NALF1: variants seen among roughly 807,000 people sequenced by gnomAD.
NALF1 encodes the protein family with sequence similarity 155 member A.
A neutral mutation model predicts 48.4 loss-of-function variants in NALF1; 3 were observed. The observed-to-expected ratio is 0.06, with a 90% CI of 0.03 to 0.16. The LOEUF is 0.16. Ranked by LOEUF, NALF1 falls within the 10% of genes least tolerant of loss-of-function variation. The probability of loss-of-function intolerance (pLI) is 1.00; values close to 1 mark genes in which losing one functional copy is unlikely to be tolerated. For missense variants in NALF1, 526 were observed against 571.5 expected (o/e 0.92, Z 0.81); for synonymous variants, 262 against 245.7 (o/e 1.07, Z -0.62).
At chr13:107,278,208 T>C (rs189855485) in intron 1 of NALF1, among the ~76,000 whole-genome samples, 1 of 152,230 alleles carries the variant, frequency 6.6e-6, no homozygotes, top group African/African-American at 2.4e-5. Context: ...GATTGTTTTA[T>C]AGCTTTTCTA....
At chr13:107,382,773 A>G (rs1019383119) in intron 1 of NALF1, among the ~76,000 whole-genome samples, 2 of 152,182 alleles carry the variant, frequency 1.3e-5, no homozygotes, top group Non-Finnish European at 1.5e-5. Context: ...AATGGACACT[A>G]TGAGTGGTGT....
At chr13:107,444,519 A>G (rs1039365385) in intron 1 of NALF1, among the ~76,000 whole-genome samples, 7 of 152,180 alleles carry the variant, frequency 4.6e-5, no homozygotes, top group Non-Finnish European at 8.8e-5. Flanking sequence ...GAATAATGCA[A>G]AAAATCTGTT....
At chr13:107,220,650 A>G (rs1033221694) in intron 1 of NALF1, among the ~76,000 whole-genome samples, 1 of 152,060 alleles carries the variant, frequency 6.6e-6, no homozygotes, top group Non-Finnish European at 1.5e-5. Context: ...ATCATAAGAC[A>G]TTTTCCCTGG....
At chr13:107,266,527 T>G (rs186611401) in intron 1 of NALF1, among the ~76,000 whole-genome samples, 44 of 152,322 alleles carry the variant, frequency 2.9e-4, no homozygotes, top group Non-Finnish European at 5.1e-4. Context: ...CCCTCTTGTT[T>G]TTGGCCTTCA....
intron 1 of NALF1, among the ~76,000 whole-genome samples, chr13:107,428,851 T>A (rs1205182440): frequency 6.6e-6 from 1 of 152,174 alleles, no homozygotes; most frequent in Non-Finnish European, 1.5e-5. Flanking sequence ...CAATCCTCCA[T>A]CCTTTTACAC....
At chr13:107,579,125 T>G (rs899108137) in intron 1 of NALF1, among the ~76,000 whole-genome samples, 2 of 152,196 alleles carry the variant, frequency 1.3e-5, no homozygotes, top group African/African-American at 4.8e-5. Flanking sequence ...AGAGTCTCAC[T>G]TTGTTGCCCA....
At chr13:107,812,590 A>G (rs1261516926) in intron 1 of NALF1, among the ~76,000 whole-genome samples, 1 of 152,164 alleles carries the variant, frequency 6.6e-6, no homozygotes, top group Non-Finnish European at 1.5e-5. Flanking sequence ...TAACCCATAG[A>G]TTTATACAGA....
intron 1 of NALF1, among the ~76,000 whole-genome samples, chr13:107,299,643 AC>A (rs1265217944): frequency 6.6e-6 from 1 of 151,522 alleles, no homozygotes; most frequent in African/African-American, 2.4e-5. Context: ...TTTCTTCTAC[AC>A]ATATTAGTTG....
chr13:107,864,655 G>A (rs943263812), intron 1 of NALF1, among the ~76,000 whole-genome samples: 6 of 152,194 alleles, frequency 3.9e-5, no homozygotes, highest in Admixed American at 3.9e-4. Context: ...TAGAGATACT[G>A]TCATTACATC....
In NALF1 at chr13:107,168,472, A is replaced by AAT. The variant is rs1407042753; in HGVS notation, c.*2023_*2024dup. ...ATGTGTATGTATCTGTCCACATGTG[A>AAT]ATGTATTTGCATTTGCAGAAAAAAA... On this transcript the variant is annotated 3_prime_UTR_variant, in exon 3 of 3. Transcript: ENST00000375915. 6.6e-6 allele frequency: 1 copy of AAT among 152,444 alleles called. No individual in the cohort carries two copies. The highest frequency in any genetic ancestry group is 1.5e-5 in the Non-Finnish European group (1 of 68,042). The allele number at this position is 152,444 out of a possible 1,614,324, so 9.4% of individuals were successfully genotyped here.
At chr13:107,480,164 G>A (rs949704412) in intron 1 of NALF1, among the ~76,000 whole-genome samples, 2 of 152,218 alleles carry the variant, frequency 1.3e-5, no homozygotes, top group East Asian at 1.9e-4. Context: ...TTTAAGCACC[G>A]TTTCTGCTAG....
At chr13:107,196,069 A>T (rs571002660) in intron 2 of NALF1, among the ~76,000 whole-genome samples, 1 of 152,328 alleles carries the variant, frequency 6.6e-6, no homozygotes, top group Admixed American at 6.5e-5. Context: ...CAAATACTGC[A>T]TGTTCACGCT....
chr13:107,583,195 G>C (rs1451021696), intron 1 of NALF1, among the ~76,000 whole-genome samples: 2 of 151,856 alleles, frequency 1.3e-5, no homozygotes, highest in Non-Finnish European at 2.9e-5. Flanking sequence ...ATAACATTAT[G>C]CTATTTATGA....
At chr13:107,354,408 G>A (rs1397578625) in intron 1 of NALF1, among the ~76,000 whole-genome samples, 11 of 152,038 alleles carry the variant, frequency 7.2e-5, no homozygotes, top group South Asian at 2.1e-4. Flanking sequence ...ACTGTGTGAC[G>A]GTCAGCCAGA....
intron 1 of NALF1, among the ~76,000 whole-genome samples, chr13:107,836,018 G>A (rs944744164): frequency 6.6e-6 from 1 of 152,090 alleles, no homozygotes; most frequent in Non-Finnish European, 1.5e-5. Flanking sequence ...TTGAGACAGG[G>A]TCTTGCTCTG....
chr13:107,446,581 T>C (rs902210538), intron 1 of NALF1, among the ~76,000 whole-genome samples: 1 of 152,222 alleles, frequency 6.6e-6, no homozygotes, highest in African/African-American at 2.4e-5. Flanking sequence ...TTTGTGATAT[T>C]GTTTACTTGT....
At chr13:107,514,967 G>A (rs1243801548) in intron 1 of NALF1, among the ~76,000 whole-genome samples, 1 of 152,200 alleles carries the variant, frequency 6.6e-6, no homozygotes, top group Non-Finnish European at 1.5e-5. Context: ...GCATAGAGGA[G>A]ACATAGACTG....
intron 1 of NALF1, among the ~76,000 whole-genome samples, chr13:107,357,473 A>G (rs747423249): frequency 6.6e-6 from 1 of 152,174 alleles, no homozygotes; most frequent in Non-Finnish European, 1.5e-5. Context: ...AGCCATATCA[A>G]TCACGTAGAA....
chr13:107,773,898 G>C (rs1224609930), intron 1 of NALF1, among the ~76,000 whole-genome samples: 1 of 151,984 alleles, frequency 6.6e-6, no homozygotes. Context: ...AAAATAAAAT[G>C]AGTGTCACTA....
Sources: gnomAD v4.1 joint callset for allele counts (sites outside exome capture counted in the v4.1 genomes callset) on GRCh38, gnomAD v4.1.1 for gene constraint, MANE v1.5 for transcripts, NCBI Gene and HGNC (gene_info 2026-07-23, HGNC 2026-07-21) for gene names.